Variants in SNTG1 observed in about 807,000 individuals in gnomAD.
SNTG1 encodes gamma-1-syntrophin.
In SNTG1, 39 loss-of-function variants were observed where a neutral mutation model predicts 74.7. That is an observed-to-expected ratio of 0.52 (90% confidence interval 0.40 to 0.68). SNTG1 has a LOEUF of 0.68. Among genes scored for constraint, SNTG1 ranks in the 30% least tolerant of loss-of-function variants. The probability of loss-of-function intolerance (pLI) is 0.00; values close to 1 mark genes in which losing one functional copy is unlikely to be tolerated. For synonymous variants in SNTG1, 254 were observed against 217.1 expected, an observed-to-expected ratio of 1.17 and a Z score of -1.49; for missense variants, 685 against 609.5, an observed-to-expected ratio of 1.12 and a Z score of -1.30.
intron 8 of SNTG1, among the ~76,000 whole-genome samples, chr8:50,483,958 C>T (rs989144948): frequency 1.3e-5 from 2 of 152,072 alleles, no homozygotes; most frequent in Admixed American, 6.6e-5. Context: ...TATGGTTTTA[C>T]TATTATGAAT....
intron 8 of SNTG1, among the ~76,000 whole-genome samples, chr8:50,473,814 C>G (rs1387284092): frequency 6.6e-6 from 1 of 152,024 alleles, no homozygotes; most frequent in Non-Finnish European, 1.5e-5. Context: ...AAGCCAGTCA[C>G]AAAACAATAC....
intron 2 of SNTG1, among the ~76,000 whole-genome samples, chr8:50,359,724 C>G (rs1164243398): frequency 6.6e-6 from 1 of 152,140 alleles, no homozygotes; most frequent in Admixed American, 6.5e-5. Context: ...CTTTAAAAAT[C>G]ATCTTTCAGC....
intron 18 of SNTG1, among the ~76,000 whole-genome samples, chr8:50,782,267 G>T (rs1358223623): frequency 1.3e-5 from 2 of 152,104 alleles, no homozygotes; most frequent in Admixed American, 1.3e-4. Flanking sequence ...GCTAGATTGG[G>T]GAAGTTCTCC....
At chr8:50,413,742 G>GT (rs1563353267) in intron 4 of SNTG1, among the ~76,000 whole-genome samples, 1 of 152,046 alleles carries the variant, frequency 6.6e-6, no homozygotes, top group African/African-American at 2.4e-5. Flanking sequence ...ATTTTCTTAC[G>GT]TTTTTTCATA....
At chr8:50,376,197 TG>T in intron 2 of SNTG1, among the ~76,000 whole-genome samples, 1 of 152,184 alleles carries the variant, frequency 6.6e-6, no homozygotes, top group Non-Finnish European at 1.5e-5. Context: ...CCTTCCTATT[TG>T]GGGGCAACAT....
chr8:50,635,261 T>C (rs2095031473), intron 13 of SNTG1, among the ~76,000 whole-genome samples: 2 of 152,210 alleles, frequency 1.3e-5, no homozygotes, highest in Non-Finnish European at 1.5e-5. Flanking sequence ...AAGTGACAAC[T>C]TTAGTTTGGC....
At chr8:50,513,814 A>G (rs1173035198) in intron 9 of SNTG1, among the ~76,000 whole-genome samples, 10 of 152,134 alleles carry the variant, frequency 6.6e-5, no homozygotes, top group Non-Finnish European at 1.3e-4. Context: ...GCTATCTGTC[A>G]CCCCTTTCTT....
intron 1 of SNTG1, among the ~76,000 whole-genome samples, chr8:49,949,723 T>G (rs1458377738): frequency 6.6e-6 from 1 of 152,234 alleles, no homozygotes; most frequent in East Asian, 1.9e-4. Flanking sequence ...TTGCCATACT[T>G]CCAGAAGCAC....
chr8:50,665,022 A>T (rs1307869904), intron 15 of SNTG1, among the ~76,000 whole-genome samples: 2 of 152,150 alleles, frequency 1.3e-5, no homozygotes, highest in African/African-American at 4.8e-5. Flanking sequence ...GATGACAGAG[A>T]TTATTTTTTT....
rs1272664358 is a variant in SNTG1, at chr8:50,793,605, C to T, written c.*776C>T. On this transcript the variant is annotated 3_prime_UTR_variant, in exon 19 of 19. Transcript: ENST00000642720. ...AATTTCATGAACCTCTCATTTCTTC[C>T]TTGGTTTGAAAGAGATTTGTATTTT... The T allele has an allele frequency of 6.6e-6, 1 of 151,720 alleles. No homozygotes were observed. The highest frequency in any genetic ancestry group is 1.5e-5 in the Non-Finnish European group (1 of 67,822). 9.4% of individuals were successfully genotyped at this position (151,720 alleles called of 1,614,324 possible). A position where few individuals can be genotyped will look rare whatever the true frequency, so the allele number is the denominator to read the frequency against.
At chr8:50,782,852 T>G (rs2095663818) in intron 18 of SNTG1, among the ~76,000 whole-genome samples, 1 of 152,166 alleles carries the variant, frequency 6.6e-6, no homozygotes, top group Non-Finnish European at 1.5e-5. Context: ...CTTTTGGTCT[T>G]TGATGATGGT....
At chr8:50,427,627 A>G (rs2093180058) in intron 4 of SNTG1, among the ~76,000 whole-genome samples, 1 of 152,130 alleles carries the variant, frequency 6.6e-6, no homozygotes, top group African/African-American at 2.4e-5. Flanking sequence ...GGGTCTCACA[A>G]TGTTGCTTAG....
rs1313684104 is a variant in SNTG1 at position 49,959,947 on chromosome 8, A to T, written c.-103+47716A>T. Reference sequence around the variant, plus strand: ...AACCCTTATGCTTTTGAGATTTAAAAAACTGGATCCCATGAAATTAATAAA... The same window carrying T: ...AACCCTTATGCTTTTGAGATTTAAATAACTGGATCCCATGAAATTAATAAA... On this transcript the variant is annotated intron_variant, in intron 1 of 18. Transcript: ENST00000642720. 3.3e-5 allele frequency among the ~76,000 whole-genome samples: 5 copies of T among 152,218 alleles called. No individual in the cohort carries two copies. The South Asian group carries it at 1.0e-3, about 32-fold the overall frequency.
chr8:50,229,114 A>T (rs921369050), intron 2 of SNTG1, among the ~76,000 whole-genome samples: 2 of 151,582 alleles, frequency 1.3e-5, no homozygotes, highest in Non-Finnish European at 3.0e-5. Context: ...TAGGGCAATT[A>T]CTATTTCTAA....
intron 2 of SNTG1, among the ~76,000 whole-genome samples, chr8:50,388,776 A>G (rs1587431364): frequency 6.6e-6 from 1 of 152,218 alleles, no homozygotes; most frequent in South Asian, 2.1e-4. Context: ...AATAGTCTCC[A>G]TTATTTAAAG....
chr8:50,522,501 A>C (rs1450749967), intron 9 of SNTG1, among the ~76,000 whole-genome samples: 5 of 152,034 alleles, frequency 3.3e-5, no homozygotes, highest in Admixed American at 6.6e-5. Context: ...ATAAAAATGG[A>C]ATTCAACTGA....
chr8:50,269,828 G>A (rs2087683768), intron 2 of SNTG1, among the ~76,000 whole-genome samples: 1 of 152,148 alleles, frequency 6.6e-6, no homozygotes, highest in South Asian at 2.1e-4. Context: ...CAGGCAGTAT[G>A]TGGGGAGTTA....
chr8:50,760,909 A>T (rs1418513363), intron 18 of SNTG1, among the ~76,000 whole-genome samples: 2 of 151,972 alleles, frequency 1.3e-5, no homozygotes, highest in African/African-American at 4.8e-5. Context: ...AAAGTCCAGG[A>T]CCAGACGGAT....
rs1214347405 is a variant in SNTG1, at chr8:50,149,607, T to C, written c.-102-22954T>C. Among the ~76,000 whole-genome samples the C allele has an allele frequency of 3.3e-5, 5 of 152,240 alleles. No individual in the cohort carries two copies. In the East Asian group the frequency reaches 9.6e-4, roughly 29 times the overall value. On this transcript the variant is annotated intron_variant, in intron 1 of 18. Transcript: ENST00000642720. ...AGGGATCCAGTTTCAGCTTTCTTCA[T>C]ATGGCTAGCCAGTTTTCCCAGCACC...
Sources: gnomAD v4.1 joint callset for allele counts (sites outside exome capture counted in the v4.1 genomes callset) on GRCh38, gnomAD v4.1.1 for gene constraint, MANE v1.5 for transcripts, NCBI Gene and HGNC (gene_info 2026-07-23, HGNC 2026-07-21) for gene names.